PIH1D2: variants seen among roughly 807,000 people sequenced by gnomAD.
PIH1D2 encodes PIH1 domain-containing protein 2.
A neutral mutation model predicts 31.2 loss-of-function variants in PIH1D2; 25 were observed. That is an observed-to-expected ratio of 0.80 (90% CI 0.58 to 1.12). PIH1D2 has a LOEUF of 1.12. PIH1D2 is among the 50% of genes most tolerant of loss of function. The pLI is 0.00. For synonymous variants in PIH1D2, 116 were observed against 119.9 expected (o/e 0.97, Z 0.21); for missense variants, 310 against 356.6 (o/e 0.87, Z 1.05).
chr11:112,071,855 G>T, intron 2 of PIH1D2, 97 bp from the exon 3 acceptor site: 2 of 1,347,844 alleles, frequency 1.5e-6, no homozygotes, highest in Non-Finnish European at 2.1e-6. Flanking sequence ...CACTTTGGGG[G>T]TCCAAGGCGG....
the PIH1D2 span, among the ~76,000 whole-genome samples, chr11:112,055,348 GT>G: frequency 6.8e-6 from 1 of 146,490 alleles, no homozygotes; most frequent in Non-Finnish European, 1.5e-5. Flanking sequence ...GGTTCATGCC[GT>G]TCTCCTGCCT....
At chr11:112,072,624 G>C (rs997436246) in intron 2 of PIH1D2, 1 of 153,120 alleles carries the variant, frequency 6.5e-6, no homozygotes, top group Non-Finnish European at 1.4e-5. Flanking sequence ...AGCACTTTGG[G>C]AGGCTGAGTC....
the PIH1D2 span, among the ~76,000 whole-genome samples, chr11:112,054,221 C>T: frequency 6.6e-6 from 1 of 151,856 alleles, no homozygotes; most frequent in African/African-American, 2.4e-5. Context: ...GAGGCTGAGG[C>T]AGGAGAATTG....
the PIH1D2 span, among the ~76,000 whole-genome samples, chr11:112,056,219 C>T: frequency 2.0e-5 from 3 of 152,002 alleles, no homozygotes; most frequent in African/African-American, 7.2e-5. Flanking sequence ...ATAAAATGTA[C>T]CTGCTCTAAG....
chr11:112,060,819 A>T (rs1298938323), downstream of PIH1D2, among the ~76,000 whole-genome samples: 1 of 152,188 alleles, frequency 6.6e-6, no homozygotes, highest in Non-Finnish European at 1.5e-5. Context: ...AAATTCAATC[A>T]TATATCCAAA....
chr11:112,061,846 G>A (rs1864649051), downstream of PIH1D2, among the ~76,000 whole-genome samples: 1 of 152,158 alleles, frequency 6.6e-6, no homozygotes, highest in Non-Finnish European at 1.5e-5. Context: ...GCCTTCCAAA[G>A]TGCTGGGATT....
At chr11:112,068,103 A>G in intron 5 of PIH1D2, 98 bp from the exon 6 acceptor site, 2 of 845,608 alleles carry the variant, frequency 2.4e-6, no homozygotes, top group Non-Finnish European at 3.6e-6. Context: ...AAAAGATCCC[A>G]TTTGTTGCCA....
chr11:112,055,823 TCTC>T, the PIH1D2 span, among the ~76,000 whole-genome samples: 4 of 147,958 alleles, frequency 2.7e-5, no homozygotes, highest in Admixed American at 2.0e-4. Context: ...TTCCTTTAAT[TCTC>T]CTCTGTGCCA....
At chr11:112,053,643 T>C in the PIH1D2 span, among the ~76,000 whole-genome samples, 4 of 152,182 alleles carry the variant, frequency 2.6e-5, no homozygotes, top group East Asian at 5.9e-4. Context: ...TTAGTAGATA[T>C]GGGGTTTCAC....
At chr11:112,068,110 G>A in intron 5 of PIH1D2, 105 bp from the exon 6 acceptor site, 1 of 821,762 alleles carries the variant, frequency 1.2e-6, no homozygotes, top group South Asian at 1.8e-5. Context: ...CCCATTTGTT[G>A]CCATGTGACT....
the PIH1D2 span, among the ~76,000 whole-genome samples, chr11:112,056,175 A>C: frequency 1.3e-5 from 2 of 151,922 alleles, no homozygotes; most frequent in African/African-American, 4.8e-5. Context: ...GCATGTAGAC[A>C]CTTTTTAACA....
downstream of PIH1D2, chr11:112,062,506 C>T: frequency 6.2e-7 from 1 of 1,612,516 alleles, no homozygotes; most frequent in Non-Finnish European, 8.5e-7. Context: ...TAGAAAGTAC[C>T]TTGAAAAACC....
Position 112,071,715 on chromosome 11 carries a change from G to A in PIH1D2, c.221C>T (p.Thr74Ile), listed in dbSNP as rs1555184680. 7 of 1,613,696 alleles carry A rather than the reference G, an allele frequency of 4.3e-6. No homozygotes were observed. In the African/African-American group the frequency reaches 8.0e-5, roughly 18 times the overall value. ...KILFINLCQWTRIPAPQSTTH... is the reference protein window; with the variant it reads ...KILFINLCQWIRIPAPQSTTH... Reference sequence around the variant, plus strand: ...GGTTGATTGGGGAGCTGGGATCCTTGTCCACTGACACAGGTTGATAAAAAG... The same window carrying A: ...GGTTGATTGGGGAGCTGGGATCCTTATCCACTGACACAGGTTGATAAAAAG... The change falls in exon 3 of 6, where the codon ACA becomes ATA. Residue 74 changes from threonine (T) to isoleucine (I), a missense_variant. Transcript: ENST00000280350.
downstream of PIH1D2, chr11:112,063,445 C>T (rs1421351149): frequency 1.3e-5 from 2 of 152,570 alleles, no homozygotes; most frequent in Non-Finnish European, 2.9e-5. Context: ...AATAAGTGTA[C>T]ATATGTAAAA....
At chr11:112,059,990 G>A (rs1864454937), downstream of PIH1D2, 1 of 1,613,818 alleles carries the variant, frequency 6.2e-7, no homozygotes, top group African/African-American at 1.3e-5. Context: ...TAAAAGGAGT[G>A]GAAACCATTG....
At chr11:112,058,639 C>A (rs1161241427), downstream of PIH1D2, among the ~76,000 whole-genome samples, 6 of 140,270 alleles carry the variant, frequency 4.3e-5, no homozygotes, top group Non-Finnish European at 7.7e-5. Context: ...GGGGGGGAAT[C>A]ACCTTTTTTT....
downstream of PIH1D2, among the ~76,000 whole-genome samples, chr11:112,066,357 C>CA: frequency 6.6e-6 from 1 of 152,160 alleles, no homozygotes; most frequent in South Asian, 2.1e-4. Flanking sequence ...TATATTTTTG[C>CA]AGGCCGGGCG....
At chr11:112,059,319 A>G (rs1464924985), downstream of PIH1D2, among the ~76,000 whole-genome samples, 1 of 151,774 alleles carries the variant, frequency 6.6e-6, no homozygotes, top group Non-Finnish European at 1.5e-5. Context: ...GATATGTGCG[A>G]AACCAACCTA....
At chr11:112,060,031 C>T, downstream of PIH1D2, 1 of 1,613,888 alleles carries the variant, frequency 6.2e-7, no homozygotes, top group Non-Finnish European at 8.5e-7. Flanking sequence ...GCAACCAAAG[C>T]AAGAGAGGGT....
Sources: allele counts gnomAD v4.1 joint callset (sites outside exome capture counted in the v4.1 genomes callset), GRCh38; gene constraint gnomAD v4.1.1; transcripts MANE v1.5; gene names NCBI Gene and HGNC (gene_info 2026-07-23, HGNC 2026-07-21).